Variants in DCAKD observed in about 807,000 individuals in gnomAD.
DCAKD encodes dephospho-CoA kinase domain containing, also known as dephospho-CoA kinase domain-containing protein.
DCAKD carries 15 observed loss-of-function variants against 18.7 expected under a neutral mutation model. The observed-to-expected ratio is 0.80, with a 90% CI of 0.54 to 1.24. The LOEUF (loss-of-function observed/expected upper bound fraction) is 1.24, where lower values mean the gene tolerates loss of function less well. Among genes scored for constraint, DCAKD ranks in the 50% most tolerant of loss-of-function variants. DCAKD has a pLI of 0.00. For synonymous variants in DCAKD, 130 were observed against 133.0 expected (o/e 0.98, Z 0.16); for missense variants, 301 against 322.0 (o/e 0.93, Z 0.50).
intron 1 of DCAKD, among the ~76,000 whole-genome samples, chr17:45,047,738 T>C (rs2053602785): frequency 6.6e-6 from 1 of 152,010 alleles, no homozygotes; most frequent in East Asian, 1.9e-4. Flanking sequence ...CTTGTGACCT[T>C]GTGATCCGCC....
At chr17:45,031,237 G>T (rs918843335) in intron 3 of DCAKD, 12 of 985,130 alleles carry the variant, frequency 1.2e-5, no homozygotes, top group Non-Finnish European at 3.6e-6. Flanking sequence ...AATGGCGGTG[G>T]GGGGGTGGCA....
At chr17:45,060,591 C>A (rs1050434307) in intron 1 of DCAKD, among the ~76,000 whole-genome samples, 2 of 152,152 alleles carry the variant, frequency 1.3e-5, no homozygotes, top group African/African-American at 4.8e-5. Context: ...ATTAAAGGGA[C>A]CACGTGTGCG....
chr17:45,047,574 T>C (rs948734256), intron 1 of DCAKD, among the ~76,000 whole-genome samples: 10 of 151,226 alleles, frequency 6.6e-5, no homozygotes, highest in Middle Eastern at 6.8e-3. Flanking sequence ...GGCGCGATCT[T>C]GGCTCACTGC....
chr17:45,026,369 A>G (rs915502704), intron 4 of DCAKD, among the ~76,000 whole-genome samples: 1 of 151,636 alleles, frequency 6.6e-6, no homozygotes, highest in African/African-American at 2.4e-5. Context: ...CTGGGACTAT[A>G]GGCGCCCGCC....
At chr17:45,027,496 T>TAAG (rs1329966224) in intron 4 of DCAKD, among the ~76,000 whole-genome samples, 3 of 152,256 alleles carry the variant, frequency 2.0e-5, no homozygotes, top group Non-Finnish European at 4.4e-5. Flanking sequence ...ACCACCTCTC[T>TAAG]GGCATCTCTC....
intron 4 of DCAKD, among the ~76,000 whole-genome samples, 200 bp from the exon 5 acceptor site, chr17:45,024,924 C>G (rs932539132): frequency 6.6e-6 from 1 of 152,066 alleles, no homozygotes; most frequent in African/African-American, 2.4e-5. Context: ...CCTCACACCC[C>G]ACTCCACTCA....
upstream of DCAKD, among the ~76,000 whole-genome samples, chr17:45,053,936 C>G (rs1024788435): frequency 4.6e-5 from 7 of 152,174 alleles, no homozygotes; most frequent in Non-Finnish European, 1.0e-4. Context: ...TTCTCTACTT[C>G]CTTTAAGGTA....
upstream of DCAKD, among the ~76,000 whole-genome samples, chr17:45,056,091 G>A (rs1425579845): frequency 1.3e-5 from 2 of 151,576 alleles, no homozygotes; most frequent in Non-Finnish European, 2.9e-5. Context: ...GGAGGCAGAG[G>A]TTGCAGTGAG....
At chr17:45,043,197 A>G (rs1343221641) in intron 1 of DCAKD, among the ~76,000 whole-genome samples, 2 of 151,712 alleles carry the variant, frequency 1.3e-5, no homozygotes, top group Non-Finnish European at 2.9e-5. Context: ...CAGAGGTTGC[A>G]GTGAGCTGAG....
chr17:45,037,490 C>T (rs2053328715), intron 1 of DCAKD, among the ~76,000 whole-genome samples: 1 of 151,858 alleles, frequency 6.6e-6, no homozygotes, highest in African/African-American at 2.4e-5. Context: ...GAATTTCACT[C>T]TTGTCGTTGC....
In DCAKD at chr17:45,034,798, C is replaced by G; in HGVS notation, c.88G>C (p.Asp30His). ...VFQQLGCAVI[D>H]VDVMARHVVQ... ...CCGTGCCGGGCCATCACGTCCACGT[C>G]AATCACCGCACAGCCCAGCTGCTGG... The change falls in exon 2 of 5, where the codon GAC becomes CAC. Residue 30 changes from aspartate to histidine, a missense_variant. Physicochemically the swap from Asp to His is moderately conservative, Grantham distance 81. Coordinates refer to ENST00000651974, the MANE Select transcript of DCAKD (RefSeq NM_001288655.2). 1 of 1,614,216 alleles carries G rather than the reference C, an allele frequency of 6.2e-7. No individual in the cohort carries two copies. Among genetic ancestry groups the G allele is most frequent in the Non-Finnish European group, 8.5e-7 (1 of 1,180,036 alleles).
At position 45,034,243 on chromosome 17, in the gene DCAKD, G is replaced by A. The variant is rs372084014; in HGVS notation, c.260C>T (p.Thr87Ile). ...PDRRQLLNAI[T>I]HPEIRKEMMK... The stretch of plus-strand genomic sequence containing the variant: ...CATCTCCTTGCGAATCTCGGGGTGG[G>A]TGATGGCGTTGAGCAGCTGCCGCCG... The change falls in exon 3 of 5, where the codon ACC becomes ATC. Residue 87 changes from threonine to isoleucine, a missense_variant. Thr to Ile is a moderately conservative substitution (Grantham distance 89, BLOSUM62 -1). Transcript: ENST00000651974. 3.8e-5 allele frequency: 62 copies of A among 1,614,048 alleles called. No individual in the cohort carries two copies. In the East Asian group the frequency reaches 6.7e-4, roughly 17 times the overall value.
intron 1 of DCAKD, among the ~76,000 whole-genome samples, chr17:45,043,694 C>T (rs1019855753): frequency 2.0e-5 from 3 of 152,212 alleles, no homozygotes; most frequent in Non-Finnish European, 4.4e-5. Context: ...CACCTACTCA[C>T]GAAGCTGGAC....
chr17:45,037,394 C>CA (rs1214721245), intron 1 of DCAKD, among the ~76,000 whole-genome samples: 4 of 152,062 alleles, frequency 2.6e-5, no homozygotes, highest in Non-Finnish European at 5.9e-5. Flanking sequence ...TAAAAACAAA[C>CA]AAACAAAACA....
chr17:45,027,855 G>A (rs185103850), intron 4 of DCAKD, among the ~76,000 whole-genome samples: 200 of 151,958 alleles, frequency 1.3e-3, no homozygotes, highest in African/African-American at 4.8e-3. Flanking sequence ...GCATGGTGGC[G>A]TGCGCCTGTA....
intron 1 of DCAKD, among the ~76,000 whole-genome samples, chr17:45,050,091 A>G (rs1449564917): frequency 6.7e-6 from 1 of 149,548 alleles, no homozygotes; most frequent in Non-Finnish European, 1.5e-5. Flanking sequence ...CCCAGGCTGG[A>G]GTGCAGTGGC....
intron 1 of DCAKD, among the ~76,000 whole-genome samples, chr17:45,056,853 C>T (rs1367898749): frequency 9.2e-5 from 14 of 151,810 alleles, no homozygotes; most frequent in African/African-American, 2.4e-5. Flanking sequence ...CTGCAAGCTC[C>T]GCCTCCCTGG....
rs369857563 is a variant in DCAKD, at chr17:45,030,317, C to T, written c.317-138G>A. On this transcript the variant is annotated intron_variant, in intron 3 of 4. Transcript: ENST00000651974. ...GGACACACATACCCTGCACACTGGC[C>T]GGTTCCAATGCCGTGCAGAACAGAA... 1.3e-3 allele frequency: 925 copies of T among 725,848 alleles called. 3 individuals are homozygous for T. The highest frequency in any genetic ancestry group is 5.7e-3 in the Middle Eastern group (15 of 2,650). 45.0% of individuals were successfully genotyped at this position (725,848 alleles called of 1,614,324 possible). A position where few individuals can be genotyped will look rare whatever the true frequency, so the allele number is the denominator to read the frequency against.
intron 4 of DCAKD, among the ~76,000 whole-genome samples, chr17:45,029,503 T>C (rs2053131019): frequency 6.6e-6 from 1 of 152,192 alleles, no homozygotes; most frequent in Non-Finnish European, 1.5e-5. Flanking sequence ...GGGACTCATT[T>C]TCCCCCCACA....
Sources: gnomAD v4.1 joint callset for allele counts (sites outside exome capture counted in the v4.1 genomes callset) on GRCh38, gnomAD v4.1.1 for gene constraint, MANE v1.5 for transcripts, NCBI Gene and HGNC (gene_info 2026-07-23, HGNC 2026-07-21) for gene names.